Variants in TRIM67 observed in about 807,000 individuals in gnomAD.
TRIM67 encodes tripartite motif-containing protein 67.
In TRIM67, 39 loss-of-function variants were observed where a neutral mutation model predicts 71.0. The ratio of observed to expected loss-of-function variants is 0.55; its 90% CI spans 0.43 to 0.72. The LOEUF is 0.72. Ranked by LOEUF, TRIM67 falls within the 30% of genes least tolerant of loss-of-function variation. The pLI is 0.00. For synonymous variants in TRIM67, 481 were observed against 473.9 expected, an observed-to-expected ratio of 1.01 and a Z score of -0.19; for missense variants, 973 against 1,079.2, an observed-to-expected ratio of 0.90 and a Z score of 1.38.
At chr1:231,170,917 G>A (rs1249393764) in intron 1 of TRIM67, among the ~76,000 whole-genome samples, 1 of 152,176 alleles carries the variant, frequency 6.6e-6, no homozygotes, top group East Asian at 1.9e-4. Context: ...CTAAGTGTGG[G>A]CCTCCACCCT....
chr1:231,209,757 A>G lies in TRIM67; in HGVS notation c.2123+507A>G, dbSNP rs979845860. ...CCTTGACAGGGCAGTAGCAGAGGGC[A>G]TGGCTGGGGTGCTCACTACTAACGA... is the stretch of plus-strand genomic sequence containing the variant. On this transcript the variant is annotated intron_variant, in intron 8 of 9. Transcript: ENST00000366653. This position sits in a 1 kb window ranked among gnomAD's most constrained non-coding sequence, Gnocchi z 4.1. Among the ~76,000 whole-genome samples, 3 of 152,206 alleles carry G rather than the reference A, an allele frequency of 2.0e-5. No individual in the cohort carries two copies. Among genetic ancestry groups the G allele is most frequent in the Admixed American group, 2.0e-4 (3 of 15,292 alleles).
In TRIM67 at chr1:231,219,904, T is replaced by A; in HGVS notation, c.*4464T>A. 18 of 1,289,902 alleles carry A rather than the reference T, an allele frequency of 1.4e-5. No homozygotes were observed. Among genetic ancestry groups the A allele is most frequent in the Non-Finnish European group, 1.8e-5 (18 of 988,892 alleles). The allele number at this position is 1,289,902 out of a possible 1,614,324, so 79.9% of individuals were successfully genotyped here. A position where few individuals can be genotyped will look rare whatever the true frequency, so the allele number is the denominator to read the frequency against. Reference sequence around the variant, plus strand: ...ATATGAGGGCAGGTTTCGGGCAGGATGTATTGATCAGACACCAAGTTCAGC... The same window carrying A: ...ATATGAGGGCAGGTTTCGGGCAGGAAGTATTGATCAGACACCAAGTTCAGC... On this transcript the variant is annotated 3_prime_UTR_variant, in exon 10 of 10. Coordinates refer to ENST00000366653, the MANE Select transcript of TRIM67 (RefSeq NM_001004342.5).
chr1:231,201,447 T>A lies in TRIM67; in HGVS notation c.1464T>A (p.Asp488Glu). 1 of 1,613,818 alleles carries A rather than the reference T, an allele frequency of 6.2e-7. No individual in the cohort carries two copies. The highest frequency in any genetic ancestry group is 2.2e-5 in the East Asian group (1 of 44,888). The change falls in exon 5 of 10, where the codon GAT becomes GAA. Residue 488 changes from aspartate (D) to glutamate (E), a missense_variant. Physicochemically the swap from Asp to Glu is conservative, Grantham distance 45. Around this residue, in one of 2 missense-constraint regions of TRIM67, gnomAD observed 795 missense variants for 831.3 expected, o/e 0.96. Transcript: ENST00000366653. ...ALEPKVSAEF[D>E]LTLDSEPLLQ... ...AGCCGAAAGTGTCTGCGGAGTTTGA[T>A]CTGACTTTGGACAGCGAGCCGCTGC...
chr1:231,211,072 A>G lies in TRIM67; in HGVS notation c.2123+1822A>G, dbSNP rs538474878. Reference sequence around the variant, plus strand: ...TATATTTTGTTTGTTTGTTTAATATATATATTAAAAAGCCTGGGCTTAGGA... The same window carrying G: ...TATATTTTGTTTGTTTGTTTAATATGTATATTAAAAAGCCTGGGCTTAGGA... On this transcript the variant is annotated intron_variant, in intron 8 of 9. Coordinates refer to ENST00000366653, the MANE Select transcript of TRIM67 (RefSeq NM_001004342.5). Among the ~76,000 whole-genome samples, 410 of 150,194 alleles carry G rather than the reference A, an allele frequency of 2.7e-3. 1 individual carries two copies. Among genetic ancestry groups the G allele is most frequent in the Non-Finnish European group, 2.7e-3 (182 of 67,692 alleles).
intron 1 of TRIM67, among the ~76,000 whole-genome samples, chr1:231,178,678 G>T (rs911444010): frequency 2.0e-5 from 3 of 152,202 alleles, no homozygotes; most frequent in African/African-American, 7.2e-5. Context: ...GGGATTGCCT[G>T]GACCAGCTTT....
chr1:231,187,440 G>T, intron 1 of TRIM67: 1 of 1,211,560 alleles, frequency 8.3e-7, no homozygotes. Context: ...TATTTCTACT[G>T]TTCTGCCAAC....
chr1:231,167,214 T>C (rs1324355241), intron 1 of TRIM67, among the ~76,000 whole-genome samples: 1 of 151,696 alleles, frequency 6.6e-6, no homozygotes, highest in African/African-American at 2.4e-5. Context: ...ATCTCACTGA[T>C]ACTCCAGGAG....
At chr1:231,185,152 C>T in intron 1 of TRIM67, 1 of 1,532,844 alleles carries the variant, frequency 6.5e-7, no homozygotes, top group Non-Finnish European at 8.7e-7. Context: ...GTGTGTTGTC[C>T]AGCCAGCCAG....
intron 5 of TRIM67, among the ~76,000 whole-genome samples, 173 bp downstream of exon 5, chr1:231,201,690 A>G (rs1053522191): frequency 2.6e-5 from 4 of 152,242 alleles, no homozygotes; most frequent in Non-Finnish European, 4.4e-5. Context: ...AGCCCCTGAC[A>G]GCCATGTGAG....
intron 1 of TRIM67, chr1:231,185,118 C>T (rs539231508): frequency 1.2e-5 from 18 of 1,532,810 alleles, no homozygotes; most frequent in African/African-American, 4.1e-5. Flanking sequence ...CTCCTAAATC[C>T]GAGTTGCTGG....
intron 1 of TRIM67, 36 bp downstream of exon 1, chr1:231,164,049 G>T (rs760716714): frequency 6.8e-7 from 1 of 1,463,080 alleles, no homozygotes; most frequent in Non-Finnish European, 9.1e-7. Flanking sequence ...AGGTGCCAGG[G>T]AAGAGGGTAC....
intron 1 of TRIM67, among the ~76,000 whole-genome samples, chr1:231,172,440 C>T (rs371428005): frequency 1.3e-5 from 2 of 152,110 alleles, no homozygotes; most frequent in South Asian, 2.1e-4. Flanking sequence ...AGATCACTAG[C>T]GTTCCCTCTC....
At chr1:231,173,679 C>T (rs917393634) in intron 1 of TRIM67, among the ~76,000 whole-genome samples, 11 of 152,140 alleles carry the variant, frequency 7.2e-5, no homozygotes, top group South Asian at 6.2e-4. Context: ...CAGGGCCTGG[C>T]GGGCCATGCA....
chr1:231,208,028 G>A (rs74323676), intron 7 of TRIM67, among the ~76,000 whole-genome samples: 1 of 77,100 alleles, frequency 1.3e-5, no homozygotes, highest in Admixed American at 1.4e-4. Context: ...TTTTTTTTTT[G>A]AGATGAAGTC....
rs368986411 is a variant in TRIM67, at chr1:231,184,931, C to A, written c.1045-12440C>A. On this transcript the variant is annotated intron_variant, in intron 1 of 9. Coordinates refer to ENST00000366653, the MANE Select transcript of TRIM67 (RefSeq NM_001004342.5). The stretch of plus-strand genomic sequence containing the variant: ...TAAAATTAGGGTTTGAATTCAGGGC[C>A]CAACCCTGAAGCCCAGCTCTAAGGG... 1,297 of 1,260,458 alleles carry A rather than the reference C, an allele frequency of 1.0e-3. 22 individuals are homozygous for A. The South Asian group carries it at 0.017, about 16-fold the overall frequency. 78.1% of individuals were successfully genotyped at this position (1,260,458 alleles called of 1,614,324 possible). A position where few individuals can be genotyped will look rare whatever the true frequency, so the allele number is the denominator to read the frequency against.
intron 1 of TRIM67, among the ~76,000 whole-genome samples, chr1:231,168,021 C>A (rs1571867410): frequency 6.6e-6 from 1 of 151,754 alleles, no homozygotes; most frequent in South Asian, 2.1e-4. Flanking sequence ...GAGTGCAGTG[C>A]TGCCATCACA....
intron 1 of TRIM67, chr1:231,184,849 A>G: frequency 1.6e-6 from 1 of 637,304 alleles, no homozygotes; most frequent in Non-Finnish European, 2.7e-6. Context: ...GGGTATCATC[A>G]CCCCAATTCA....
chr1:231,163,839 G>A lies in TRIM67; in HGVS notation c.870G>A (p.Gly290=), dbSNP rs1189929448. Residue 290 remains glycine, a synonymous_variant, in exon 1 of 10, where the codon GGG becomes GGA. Transcript: ENST00000366653. ...AGAGCCCGGGAGGCGCGGGGGCGGG[G>A]GCGACTGGGGGCAGCACGGCCCGCA... is the stretch of plus-strand genomic sequence containing the variant. The part of the protein sequence containing the change: ...GCKSPGGAGA[G]ATGGSTARKF... 12 of 1,533,702 alleles carry A rather than the reference G, an allele frequency of 7.8e-6. No individual in the cohort carries two copies. Among genetic ancestry groups the A allele is most frequent in the Non-Finnish European group, 9.7e-6 (11 of 1,139,066 alleles).
chr1:231,176,992 C>G (rs147112114), intron 1 of TRIM67, among the ~76,000 whole-genome samples: 1 of 137,850 alleles, frequency 7.3e-6, no homozygotes, highest in African/African-American at 2.8e-5. Context: ...GGGGTAAAAA[C>G]AAAAGAAGTG....
Sources: allele counts gnomAD v4.1 joint callset (sites outside exome capture counted in the v4.1 genomes callset), GRCh38; gene constraint gnomAD v4.1.1; regional missense constraint gnomAD v4.1.1; non-coding constraint Gnocchi (gnomAD v3.1); transcripts MANE v1.5; gene names NCBI Gene and HGNC (gene_info 2026-07-23, HGNC 2026-07-21).